Variants in ME1 observed in about 807,000 individuals in gnomAD.
ME1 encodes NADP-dependent malic enzyme.
In ME1, 74 loss-of-function variants were observed where a neutral mutation model predicts 66.4. That is an observed-to-expected ratio of 1.11 (90% CI 0.92 to 1.35). The LOEUF is 1.35. ME1 is among the 40% of genes most tolerant of loss of function. The pLI, the probability that ME1 is intolerant of heterozygous loss-of-function variation, is 0.00. For synonymous variants in ME1, 251 were observed against 235.6 expected (o/e 1.07, Z -0.60); for missense variants, 750 against 694.1 (o/e 1.08, Z -0.90).
At chr6:83,212,395 CCTGA>C (rs1789908085) in intron 13 of ME1, among the ~76,000 whole-genome samples, 1 of 152,146 alleles carries the variant, frequency 6.6e-6, no homozygotes, top group Admixed American at 6.5e-5. Context: ...CTTGACATGA[CCTGA>C]CTGACAATTA....
intron 5 of ME1, among the ~76,000 whole-genome samples, chr6:83,331,127 C>G (rs1768399998): frequency 6.6e-6 from 1 of 152,156 alleles, no homozygotes; most frequent in Non-Finnish European, 1.5e-5. Context: ...CTCTTGAGGA[C>G]TGATCATGTG....
chr6:83,302,317 AGGAG>A (rs1767740310), intron 6 of ME1, among the ~76,000 whole-genome samples: 2 of 152,040 alleles, frequency 1.3e-5, no homozygotes, highest in African/African-American at 4.8e-5. Flanking sequence ...GGAGGTTGGG[AGGAG>A]GGAGAAGAGC....
At chr6:83,221,983 C>A (rs1285954075) in intron 12 of ME1, among the ~76,000 whole-genome samples, 2 of 152,168 alleles carry the variant, frequency 1.3e-5, no homozygotes, top group Middle Eastern at 3.4e-3. Flanking sequence ...GTTGACAACA[C>A]CACATTTTTT....
chr6:83,219,969 C>A (rs1044785759), intron 12 of ME1, among the ~76,000 whole-genome samples: 1 of 152,062 alleles, frequency 6.6e-6, no homozygotes, highest in African/African-American at 2.4e-5. Flanking sequence ...TCAGATCTGG[C>A]TCTACAGTGT....
At chr6:83,334,119 C>G (rs892601941) in intron 5 of ME1, among the ~76,000 whole-genome samples, 37 of 152,030 alleles carry the variant, frequency 2.4e-4, no homozygotes, top group African/African-American at 8.9e-4. Context: ...GCACCGTGCG[C>G]GAGCCGAAGC....
intron 5 of ME1, among the ~76,000 whole-genome samples, chr6:83,345,842 C>T (rs1768674881): frequency 6.6e-6 from 1 of 152,048 alleles, no homozygotes; most frequent in Middle Eastern, 3.5e-3. Context: ...TTTAATAAAT[C>T]CCATGGTATT....
chr6:83,229,184 A>C (rs1308241546), intron 9 of ME1: 4 of 535,300 alleles, frequency 7.5e-6, no homozygotes, highest in Non-Finnish European at 1.4e-5. Flanking sequence ...ATTGATATTA[A>C]AAATCCTAAT....
chr6:83,334,184 C>T (rs917665222), intron 5 of ME1, among the ~76,000 whole-genome samples: 7 of 151,170 alleles, frequency 4.6e-5, no homozygotes, highest in African/African-American at 7.3e-5. Context: ...GTTCCTTTTC[C>T]GAGTCAAAGA....
At chr6:83,228,337 AT>A (rs1431389731) in intron 10 of ME1, among the ~76,000 whole-genome samples, 2 of 152,126 alleles carry the variant, frequency 1.3e-5, no homozygotes, top group Non-Finnish European at 2.9e-5. Context: ...CACTATTGAC[AT>A]TTTAGGCTGG....
chr6:83,293,764 TCTC>T (rs1402242451), intron 6 of ME1, among the ~76,000 whole-genome samples: 1 of 152,218 alleles, frequency 6.6e-6, no homozygotes, highest in Admixed American at 6.5e-5. Flanking sequence ...TTCCAGGGTA[TCTC>T]CTCAATTTCT....
At chr6:83,430,533 C>T (rs529582640) in intron 1 of ME1, among the ~76,000 whole-genome samples, 21 of 152,262 alleles carry the variant, frequency 1.4e-4, no homozygotes, top group Non-Finnish European at 2.6e-4. Context: ...CACACTTTGT[C>T]TGATACTACT....
At chr6:83,239,782 C>A in intron 7 of ME1, 146 bp from the exon 8 acceptor site, 1 of 584,284 alleles carries the variant, frequency 1.7e-6, no homozygotes, top group Non-Finnish European at 3.0e-6. Flanking sequence ...TGCTTGCATA[C>A]GTGGTAAAAT....
intron 9 of ME1, among the ~76,000 whole-genome samples, chr6:83,237,340 GGAAAGAAAGAAAAAGAAAGAAA>G (rs1214894509): frequency 8.4e-6 from 1 of 118,998 alleles, no homozygotes; most frequent in Non-Finnish European, 1.7e-5. Flanking sequence ...AAGGAAGGAA[GGAAAGAAAGAAAAAGAAAGAAA>G]GAAAGAAAGA....
At chr6:83,222,400 A>T (rs1034600998) in intron 12 of ME1, among the ~76,000 whole-genome samples, 1 of 152,226 alleles carries the variant, frequency 6.6e-6, no homozygotes, top group Non-Finnish European at 1.5e-5. Flanking sequence ...CAGTAACATA[A>T]GAATCTTTGT....
intron 6 of ME1, among the ~76,000 whole-genome samples, chr6:83,290,479 T>C (rs1471674352): frequency 1.3e-5 from 2 of 152,236 alleles, no homozygotes; most frequent in African/African-American, 4.8e-5. Context: ...TTGATTGCAC[T>C]GTGGTCTGAG....
At chr6:83,242,995 G>A (rs1355231700) in intron 7 of ME1, among the ~76,000 whole-genome samples, 1 of 152,008 alleles carries the variant, frequency 6.6e-6, no homozygotes, top group Non-Finnish European at 1.5e-5. Flanking sequence ...AGAGGTTTAT[G>A]TCCTGTAACC....
At chr6:83,373,159 A>G (rs544158149) in intron 3 of ME1, among the ~76,000 whole-genome samples, 133 of 152,308 alleles carry the variant, frequency 8.7e-4, no homozygotes, top group African/African-American at 3.1e-3. Context: ...ATTTTATCAA[A>G]TGTTTCATAT....
intron 5 of ME1, among the ~76,000 whole-genome samples, chr6:83,330,555 G>T (rs1024230127): frequency 1.3e-5 from 2 of 152,108 alleles, no homozygotes; most frequent in African/African-American, 4.8e-5. Flanking sequence ...GTGAGAACTT[G>T]TATTATTAAG....
At chr6:83,375,460 C>CTGCA (rs1769271261) in intron 3 of ME1, among the ~76,000 whole-genome samples, 1 of 152,160 alleles carries the variant, frequency 6.6e-6, no homozygotes, top group South Asian at 2.1e-4. Flanking sequence ...TGAGACTTTG[C>CTGCA]TGCAGTTGCT....
Sources: allele counts gnomAD v4.1 joint callset (sites outside exome capture counted in the v4.1 genomes callset), GRCh38; gene constraint gnomAD v4.1.1; transcripts MANE v1.5; gene names NCBI Gene and HGNC (gene_info 2026-07-23, HGNC 2026-07-21).